Variants in OTUD7B observed in about 807,000 individuals in gnomAD.
The protein encoded by OTUD7B is OTU deubiquitinase 7B.
In OTUD7B, 34 loss-of-function variants were observed where a neutral mutation model predicts 82.2. That is an observed-to-expected ratio of 0.41 (90% CI 0.31 to 0.55). The LOEUF (loss-of-function observed/expected upper bound fraction) is 0.55. OTUD7B is among the 20% of genes least tolerant of loss of function. The pLI is 0.20. For missense variants in OTUD7B, 944 were observed against 1,062.1 expected, an observed-to-expected ratio of 0.89 and a Z score of 1.55; for synonymous variants, 398 against 402.7, an observed-to-expected ratio of 0.99 and a Z score of 0.14.
rs1553776456 is a variant in OTUD7B at position 149,965,843 on chromosome 1, A to G, written c.538T>C (p.Ser180Pro). 4 of 1,613,976 alleles carry G rather than the reference A, an allele frequency of 2.5e-6. No individual in the cohort carries two copies. The highest frequency in any genetic ancestry group is 2.7e-5 in the African/African-American group (2 of 74,918). ...GTTGCCAAAGGAAGCAGCCTCTGAG[A>G]GGTGGGATCCACACTCACCCACCAG... ...LNWWVSVDPT[S>P]QRLLPLATTG... The change falls in exon 5 of 12, where the codon TCT becomes CCT. Residue 180 changes from serine to proline, a missense_variant. Around this residue, in one of 3 missense-constraint regions of OTUD7B, gnomAD observed 530 missense variants for 625.6 expected, o/e 0.85. Coordinates refer to ENST00000581312, the MANE Select transcript of OTUD7B (RefSeq NM_020205.4).
chr1:149,955,400 TGACA>T (rs1256339429), intron 7 of OTUD7B, among the ~76,000 whole-genome samples: 2 of 152,268 alleles, frequency 1.3e-5, no homozygotes, highest in Non-Finnish European at 2.9e-5. Context: ...CACTGTGGTC[TGACA>T]GACAGTTTGT....
At chr1:150,033,864 G>A in the OTUD7B span, among the ~76,000 whole-genome samples, 18 of 152,166 alleles carry the variant, frequency 1.2e-4, no homozygotes, top group South Asian at 3.7e-3. Flanking sequence ...TGGGACTACA[G>A]GTGTGCGCCA....
intron 1 of OTUD7B, among the ~76,000 whole-genome samples, chr1:149,991,449 T>C (rs1651563955): frequency 6.6e-6 from 1 of 152,214 alleles, no homozygotes; most frequent in Non-Finnish European, 1.5e-5. Flanking sequence ...CCTGGGAACA[T>C]AGAATATATA....
the OTUD7B span, among the ~76,000 whole-genome samples, chr1:150,015,978 T>G: frequency 3.4e-4 from 52 of 152,328 alleles, no homozygotes; most frequent in Non-Finnish European, 6.6e-4. Flanking sequence ...TATTTTCCTC[T>G]GCTGCTGAAA....
At chr1:149,978,555 G>A (rs189805204) in intron 1 of OTUD7B, among the ~76,000 whole-genome samples, 2 of 152,308 alleles carry the variant, frequency 1.3e-5, no homozygotes, top group African/African-American at 2.4e-5. Flanking sequence ...ACAAAGCAGA[G>A]TGGGGACCCA....
chr1:149,940,251 G>T lies in OTUD7B; in HGVS notation c.*3606C>A, dbSNP rs943626299. 2 of 151,802 alleles carry T rather than the reference G, an allele frequency of 1.3e-5. No individual in the cohort carries two copies. The highest frequency in any genetic ancestry group is 6.6e-5 in the Admixed American group (1 of 15,252). The allele number at this position is 151,802 out of a possible 1,614,324, so 9.4% of individuals were successfully genotyped here. A position where few individuals can be genotyped will look rare whatever the true frequency, so the allele number is the denominator to read the frequency against. On this transcript the variant is annotated 3_prime_UTR_variant, in exon 12 of 12. Coordinates refer to ENST00000581312, the MANE Select transcript of OTUD7B (RefSeq NM_020205.4). ...AAAAAACTGAGCTAATAGAGGGAAG[G>T]TACTTCCCTTCCACTGCCCTCTACA...
intron 7 of OTUD7B, 125 bp from the exon 8 acceptor site, chr1:149,950,346 C>T: frequency 1.1e-6 from 1 of 917,272 alleles, no homozygotes; most frequent in Non-Finnish European, 1.6e-6. Context: ...GTTTTCCAAT[C>T]TTAAGGCTGC....
intron 7 of OTUD7B, among the ~76,000 whole-genome samples, chr1:149,956,891 G>C (rs587767661): frequency 6.6e-6 from 1 of 151,478 alleles, no homozygotes; most frequent in South Asian, 2.1e-4. Context: ...CCATCAGGTC[G>C]TTTAAGGTCT....
Position 149,975,972 on chromosome 1 carries a change from C to T in OTUD7B, c.85+1454G>A, listed in dbSNP as rs78402177. Among the ~76,000 whole-genome samples, 57 of 151,508 alleles carry T rather than the reference C, an allele frequency of 3.8e-4. No individual in the cohort carries two copies. In the East Asian group the frequency reaches 0.01, roughly 28 times the overall value. On this transcript the variant is annotated intron_variant, in intron 2 of 11. Transcript: ENST00000581312. ...GGAGGCGGAGGTTGTGGTGAGCCAA[C>T]ATCGCGCCACTGCACTCCAGCCTGG...
rs782261183 is a variant in OTUD7B, at chr1:149,967,398, C to T, written c.398G>A (p.Cys133Tyr). The change falls in exon 4 of 12, where the codon TGT (cysteine) becomes TAT (tyrosine). Residue 133 changes from cysteine (C) to tyrosine (Y), a missense_variant. By Grantham distance (194) the Cys-to-Tyr change is radical (BLOSUM62 -2). Coordinates refer to ENST00000581312, the MANE Select transcript of OTUD7B (RefSeq NM_020205.4). ...AGTGAGATCTGGAAGCTGGAAGGCACAGATGGGCATTTCCAGGGGGTGCTC... is the reference window on the plus strand; with the variant it reads ...AGTGAGATCTGGAAGCTGGAAGGCATAGATGGGCATTTCCAGGGGGTGCTC... ...SNEHPLEMPI[C>Y]AFQLPDLTVY... The T allele has an allele frequency of 5.6e-6, 9 of 1,614,040 alleles. No homozygotes were observed. The highest frequency in any genetic ancestry group is 2.7e-5 in the African/African-American group (2 of 74,924).
At chr1:149,956,823 A>C (rs1198344106) in intron 7 of OTUD7B, among the ~76,000 whole-genome samples, 1 of 152,320 alleles carries the variant, frequency 6.6e-6, no homozygotes, top group South Asian at 2.1e-4. Context: ...CACTTGATTG[A>C]ATCAGCTACT....
the OTUD7B span, among the ~76,000 whole-genome samples, chr1:150,045,545 T>C: frequency 3.9e-5 from 6 of 152,244 alleles, no homozygotes; most frequent in South Asian, 2.1e-4. Context: ...TATTGGAAAA[T>C]TGAGACCAAA....
chr1:149,999,545 T>TAA (rs1652141789), intron 1 of OTUD7B, among the ~76,000 whole-genome samples: 1 of 152,010 alleles, frequency 6.6e-6, no homozygotes, highest in East Asian at 1.9e-4. Context: ...ATGGAACACA[T>TAA]AAGAGGAGAT....
chr1:150,019,200 C>T, the OTUD7B span, among the ~76,000 whole-genome samples: 1 of 152,106 alleles, frequency 6.6e-6, no homozygotes, highest in Non-Finnish European at 1.5e-5. Context: ...TGCTACAATC[C>T]CCTAGCTCAT....
chr1:149,959,573 C>T, intron 7 of OTUD7B, 111 bp downstream of exon 7: 1 of 704,134 alleles, frequency 1.4e-6, no homozygotes. Flanking sequence ...AGCATAGTTC[C>T]CCTCTTTCCT....
chr1:150,022,580 A>G, the OTUD7B span, among the ~76,000 whole-genome samples: 1 of 152,032 alleles, frequency 6.6e-6, no homozygotes, highest in East Asian at 1.9e-4. Context: ...GCCTAGCGGT[A>G]GTGCCTCACC....
the OTUD7B span, chr1:150,054,522 T>C: frequency 2.1e-6 from 1 of 471,854 alleles, no homozygotes; most frequent in Non-Finnish European, 4.2e-6. Flanking sequence ...AAGAAGAAGC[T>C]GCAGGCAGGG....
At chr1:150,049,525 G>T in the OTUD7B span, among the ~76,000 whole-genome samples, 1 of 151,810 alleles carries the variant, frequency 6.6e-6, no homozygotes. Flanking sequence ...GCATAGGCAT[G>T]GATTCCGGTG....
In OTUD7B at chr1:149,944,003, G is replaced by A. The variant is rs782003109; in HGVS notation, c.2386C>T (p.Pro796Ser). The A allele has an allele frequency of 9.3e-6, 15 of 1,614,116 alleles. No homozygotes were observed. The highest frequency in any genetic ancestry group is 1.3e-5 in the Non-Finnish European group (15 of 1,180,046). The change falls in exon 12 of 12, where the codon CCC becomes TCC. Residue 796 changes from proline (P) to serine (S), a missense_variant. Physicochemically the swap from Pro to Ser is moderately conservative, Grantham distance 74. Transcript: ENST00000581312. ...TGTTTGCATTTGGTCTGAGTTGGGG[G>A]AAGGCCCCGGAGACCTCCAGCCCAT... ...DGWAGGLRGL[P>S]PTQTKCKQPN... is the part of the protein sequence containing the mutation.
Sources: allele counts gnomAD v4.1 joint callset (sites outside exome capture counted in the v4.1 genomes callset), GRCh38; gene constraint gnomAD v4.1.1; regional missense constraint gnomAD v4.1.1; transcripts MANE v1.5; gene names NCBI Gene and HGNC (gene_info 2026-07-23, HGNC 2026-07-21).